The following CTIF variants were observed in gnomAD, a reference collection of about 807,000 sequenced individuals.
CTIF encodes CBP80/20-dependent translation initiation factor.
In CTIF, 21 loss-of-function variants were observed where a neutral mutation model predicts 66.0. The observed-to-expected ratio is 0.32, with a 90% CI of 0.23 to 0.46. The LOEUF (loss-of-function observed/expected upper bound fraction) is 0.46, where lower values mean the gene tolerates loss of function less well. Ranked by LOEUF, CTIF falls within the 20% of genes least tolerant of loss-of-function variation. CTIF has a pLI of 1.00. For synonymous variants in CTIF, 345 were observed against 326.4 expected (o/e 1.06, Z -0.62); for missense variants, 739 against 812.7 (o/e 0.91, Z 1.10).
chr18:48,635,769 A>G (rs1349530597), intron 2 of CTIF, among the ~76,000 whole-genome samples: 4 of 152,194 alleles, frequency 2.6e-5, no homozygotes, highest in African/African-American at 7.2e-5. Context: ...TATGACTGCT[A>G]CTGCATTGTA....
intron 1 of CTIF, among the ~76,000 whole-genome samples, chr18:48,574,486 A>AG (rs2089486862): frequency 2.0e-5 from 3 of 152,194 alleles, no homozygotes; most frequent in Admixed American, 1.3e-4. Flanking sequence ...CAGGAGTTTT[A>AG]GGGGGTAGAG....
chr18:48,585,439 G>A (rs768353437), intron 1 of CTIF, among the ~76,000 whole-genome samples: 1 of 152,214 alleles, frequency 6.6e-6, no homozygotes, highest in Non-Finnish European at 1.5e-5. Flanking sequence ...AGAAGTGCCA[G>A]TGTGTGGCAT....
At chr18:48,831,645 T>A (rs1280475216) in intron 10 of CTIF, among the ~76,000 whole-genome samples, 1 of 152,230 alleles carries the variant, frequency 6.6e-6, no homozygotes, top group Non-Finnish European at 1.5e-5. Flanking sequence ...TGGAGCAACA[T>A]GGCCAGTAAC....
chr18:48,722,914 C>G (rs1438950485), intron 7 of CTIF, among the ~76,000 whole-genome samples: 2 of 152,238 alleles, frequency 1.3e-5, no homozygotes, highest in East Asian at 3.8e-4. Flanking sequence ...GCAAGCCTGG[C>G]CCACCCTCTG....
chr18:48,825,720 C>G (rs1237533064), intron 10 of CTIF, among the ~76,000 whole-genome samples: 1 of 152,156 alleles, frequency 6.6e-6, no homozygotes, highest in African/African-American at 2.4e-5. Context: ...TAGTCTGTTC[C>G]CCAGGGGTAA....
chr18:48,704,936 C>A (rs1398379494), intron 6 of CTIF, among the ~76,000 whole-genome samples: 3 of 152,186 alleles, frequency 2.0e-5, no homozygotes, highest in Non-Finnish European at 4.4e-5. Context: ...CATCTCGGCC[C>A]CATGTGAGGA....
At chr18:48,747,081 G>A (rs959747211) in intron 7 of CTIF, among the ~76,000 whole-genome samples, 1 of 152,108 alleles carries the variant, frequency 6.6e-6, no homozygotes, top group Admixed American at 6.6e-5. Flanking sequence ...CCTGAGCCCC[G>A]ACACGTAACA....
At chr18:48,601,600 A>G (rs142641027) in intron 1 of CTIF, among the ~76,000 whole-genome samples, 269 of 152,332 alleles carry the variant, frequency 1.8e-3, no homozygotes, top group African/African-American at 5.5e-3. Context: ...GTCTCAGGAC[A>G]GCTATAAACT....
chr18:48,842,968 AT>A (rs1389268982), intron 10 of CTIF, among the ~76,000 whole-genome samples: 1 of 152,096 alleles, frequency 6.6e-6, no homozygotes, highest in Admixed American at 6.5e-5. Flanking sequence ...CCAGAAGCAG[AT>A]GGCAGCCTGA....
intron 9 of CTIF, among the ~76,000 whole-genome samples, chr18:48,789,244 G>T (rs2146118078): frequency 6.6e-6 from 1 of 152,286 alleles, no homozygotes; most frequent in East Asian, 1.9e-4. Context: ...GACAATAAGG[G>T]CTGGGTTCAC....
chr18:48,858,513 AAG>A (rs1161098600), intron 11 of CTIF, among the ~76,000 whole-genome samples: 3 of 152,292 alleles, frequency 2.0e-5, no homozygotes, highest in African/African-American at 4.8e-5. Context: ...GACATCCCTG[AAG>A]AGTCAGGGGA....
chr18:48,655,720 C>G lies in CTIF; in HGVS notation c.253-8032C>G, dbSNP rs2091237133. The stretch of plus-strand genomic sequence containing the variant: ...GCTGGCCACCTCTGCCCCAGTGTCA[C>G]CTGATGTAGCAGGCCTGCTAGGGAA... On this transcript the variant is annotated intron_variant, in intron 3 of 11. Coordinates refer to ENST00000256413, the MANE Select transcript of CTIF (RefSeq NM_014772.3). 2.0e-5 allele frequency among the ~76,000 whole-genome samples: 3 copies of G among 152,164 alleles called. No individual in the cohort carries two copies. In the South Asian group the frequency reaches 6.2e-4, roughly 32 times the overall value.
chr18:48,775,834 A>T (rs544771903), intron 9 of CTIF, among the ~76,000 whole-genome samples: 2 of 152,218 alleles, frequency 1.3e-5, no homozygotes, highest in East Asian at 3.9e-4. Flanking sequence ...GCAGAGGAGG[A>T]TTGGGGAAGG....
intron 11 of CTIF, among the ~76,000 whole-genome samples, chr18:48,858,896 A>G (rs965861079): frequency 6.6e-6 from 1 of 152,184 alleles, no homozygotes; most frequent in Non-Finnish European, 1.5e-5. Flanking sequence ...GTTCCAATGG[A>G]CACATGTAAT....
At chr18:48,733,122 C>T (rs1475366826) in intron 7 of CTIF, among the ~76,000 whole-genome samples, 1 of 152,116 alleles carries the variant, frequency 6.6e-6, no homozygotes, top group African/African-American at 2.4e-5. Flanking sequence ...CCCTGTGGTC[C>T]CTTCCAAAGC....
intron 6 of CTIF, among the ~76,000 whole-genome samples, chr18:48,696,558 A>T (rs761142107): frequency 6.6e-6 from 1 of 152,192 alleles, no homozygotes. Flanking sequence ...CCTAGGGTCC[A>T]CTTGGACCCT....
chr18:48,671,675 T>C (rs1202193679), intron 6 of CTIF, among the ~76,000 whole-genome samples: 1 of 151,966 alleles, frequency 6.6e-6, no homozygotes, highest in East Asian at 1.9e-4. Context: ...GATCTGTAGG[T>C]TTATAGTTTC....
intron 9 of CTIF, among the ~76,000 whole-genome samples, chr18:48,796,345 T>C (rs1473849189): frequency 1.3e-5 from 2 of 151,954 alleles, no homozygotes; most frequent in East Asian, 1.9e-4. Flanking sequence ...AGCTAATTTT[T>C]TTTTGTATTT....
intron 10 of CTIF, among the ~76,000 whole-genome samples, chr18:48,819,932 A>G (rs1319717873): frequency 6.6e-6 from 1 of 152,214 alleles, no homozygotes; most frequent in African/African-American, 2.4e-5. Flanking sequence ...GTGGCAAGGC[A>G]TGGAGAGACA....
Sources: gnomAD v4.1 joint callset for allele counts (sites outside exome capture counted in the v4.1 genomes callset) on GRCh38, gnomAD v4.1.1 for gene constraint, MANE v1.5 for transcripts, NCBI Gene and HGNC (gene_info 2026-07-23, HGNC 2026-07-21) for gene names.